Variants in ARPP21 observed in about 807,000 individuals in gnomAD.
ARPP21 encodes the protein cAMP-regulated phosphoprotein 21.
In ARPP21, 69 loss-of-function variants were observed where a neutral mutation model predicts 113.2. That is an observed-to-expected ratio of 0.61 (90% CI 0.50 to 0.74). The LOEUF (loss-of-function observed/expected upper bound fraction) is 0.74. Ranked by LOEUF, ARPP21 falls within the 30% of genes least tolerant of loss-of-function variation. The pLI is 0.00. For missense variants in ARPP21, 1,070 were observed against 1,037.4 expected (o/e 1.03, Z -0.43); for synonymous variants, 368 against 375.5 (o/e 0.98, Z 0.23).
intron 1 of ARPP21, among the ~76,000 whole-genome samples, chr3:35,671,092 A>G (rs1046465763): frequency 6.6e-6 from 1 of 152,164 alleles, no homozygotes; most frequent in African/African-American, 2.4e-5. Flanking sequence ...AAAGGCACAT[A>G]GCTCCTTTCA....
chr3:35,667,953 A>AGAAGAAGAG (rs3087184), intron 1 of ARPP21, among the ~76,000 whole-genome samples: 67 of 19,788 alleles, frequency 3.4e-3, no homozygotes, highest in African/African-American at 0.01. Flanking sequence ...GAAGAAAAGA[A>AGAAGAAGAG]GAAGAAGAAG....
chr3:35,739,148 T>C (rs35499003), intron 17 of ARPP21, among the ~76,000 whole-genome samples, 169 bp from the exon 18 acceptor site: 34,608 of 152,186 alleles, frequency 0.23, 4,189 homozygotes, highest in South Asian at 0.31. Flanking sequence ...TGTCATGTTG[T>C]GTTCTCTTGT....
chr3:35,730,620 A>G (rs2093893875), intron 15 of ARPP21, among the ~76,000 whole-genome samples: 1 of 152,232 alleles, frequency 6.6e-6, no homozygotes, highest in Admixed American at 6.5e-5. Flanking sequence ...AAGAGATCTG[A>G]AGTTTGGTTT....
At chr3:35,732,918 G>A (rs555170390) in intron 15 of ARPP21, among the ~76,000 whole-genome samples, 2 of 152,004 alleles carry the variant, frequency 1.3e-5, no homozygotes, top group Non-Finnish European at 2.9e-5. Context: ...TTTGTGTTCT[G>A]TCTATAAATG....
At chr3:35,695,147 T>C (rs1252682108) in intron 9 of ARPP21, among the ~76,000 whole-genome samples, 2 of 151,444 alleles carry the variant, frequency 1.3e-5, no homozygotes, top group African/African-American at 4.8e-5. Flanking sequence ...TTCAACTCCA[T>C]AGACTTATGC....
chr3:35,704,115 C>A, intron 9 of ARPP21, among the ~76,000 whole-genome samples: 1 of 151,754 alleles, frequency 6.6e-6, no homozygotes, highest in South Asian at 2.1e-4. Flanking sequence ...CAAATAGTTT[C>A]TCCATGATCA....
intron 15 of ARPP21, among the ~76,000 whole-genome samples, chr3:35,736,315 C>T (rs1027310334): frequency 2.0e-5 from 3 of 152,140 alleles, no homozygotes; most frequent in African/African-American, 7.2e-5. Context: ...CTTGACTGCA[C>T]TTTGCTCTTC....
intron 3 of ARPP21, 59 bp from the exon 4 acceptor site, chr3:35,682,789 T>A (rs1383012118): frequency 1.3e-6 from 2 of 1,489,930 alleles, no homozygotes. Context: ...GGTTGTTGAT[T>A]TACTGTTCGT....
At chr3:35,733,271 T>C (rs1455675910) in intron 15 of ARPP21, among the ~76,000 whole-genome samples, 1 of 152,170 alleles carries the variant, frequency 6.6e-6, no homozygotes, top group African/African-American at 2.4e-5. Context: ...AATTACATTA[T>C]TATTGAAATA....
At chr3:35,667,335 G>A (rs2074634493) in intron 1 of ARPP21, among the ~76,000 whole-genome samples, 2 of 152,056 alleles carry the variant, frequency 1.3e-5, no homozygotes, top group South Asian at 2.1e-4. Flanking sequence ...AATGATAATG[G>A]TAAACTAATT....
intron 19 of ARPP21, among the ~76,000 whole-genome samples, chr3:35,778,338 C>T (rs937733643): frequency 6.6e-6 from 1 of 152,092 alleles, no homozygotes; most frequent in Admixed American, 6.5e-5. Flanking sequence ...CTGGTTTCCA[C>T]CTGGGTTTTG....
In ARPP21 at chr3:35,731,198, G is replaced by T. The variant is rs142317869; in HGVS notation, c.1459+1662G>T. On this transcript the variant is annotated intron_variant, in intron 15 of 20. Coordinates refer to ENST00000684406, the MANE Select transcript of ARPP21 (RefSeq NM_001385562.1). ...AAAAGCTCAACAGAGTATTTTTAGG[G>T]TACAATGCAGGAATATTATTTGTAA... 7.2e-5 allele frequency among the ~76,000 whole-genome samples: 11 copies of T among 152,228 alleles called. No homozygotes were observed. In the East Asian group the frequency reaches 2.1e-3, roughly 29 times the overall value.
chr3:35,749,742 G>T (rs2095331676), intron 19 of ARPP21, among the ~76,000 whole-genome samples: 2 of 152,126 alleles, frequency 1.3e-5, no homozygotes, highest in Admixed American at 1.3e-4. Context: ...AATTTTTTAT[G>T]ATTATAGTAT....
At chr3:35,767,552 A>T (rs1395250415) in intron 19 of ARPP21, among the ~76,000 whole-genome samples, 1 of 152,176 alleles carries the variant, frequency 6.6e-6, no homozygotes, top group East Asian at 1.9e-4. Flanking sequence ...GAAGTCTATA[A>T]AAATGCCAAG....
intron 1 of ARPP21, among the ~76,000 whole-genome samples, chr3:35,666,887 C>T (rs73825896): frequency 7.3e-4 from 111 of 152,212 alleles, no homozygotes; most frequent in African/African-American, 2.5e-3. Flanking sequence ...AACATGCAAC[C>T]TCAACTATCC....
Position 35,743,903 on chromosome 3 carries a change from T to C in ARPP21, c.2075T>C (p.Met692Thr). The C allele has an allele frequency of 6.2e-7, 1 of 1,613,732 alleles. No individual in the cohort carries two copies. Reference sequence around the variant, plus strand: ...TCAACCACGCAACAGTACCGGCCCATGGCCCCGGTTCAGTACAACGCTCAG... The same window carrying C: ...TCAACCACGCAACAGTACCGGCCCACGGCCCCGGTTCAGTACAACGCTCAG... ...PTSTTQQYRP[M>T]APVQYNAQRS... The change falls in exon 19 of 21, where the codon ATG becomes ACG. Residue 692 changes from methionine to threonine, a missense_variant. Transcript: ENST00000684406.
intron 19 of ARPP21, among the ~76,000 whole-genome samples, chr3:35,784,551 A>G (rs535778493): frequency 2.0e-5 from 3 of 152,332 alleles, no homozygotes; most frequent in African/African-American, 7.2e-5. Flanking sequence ...CTGAAAGTTC[A>G]TATCCTAAAT....
chr3:35,695,480 C>T (rs1471540233), intron 9 of ARPP21, among the ~76,000 whole-genome samples: 1 of 151,534 alleles, frequency 6.6e-6, no homozygotes, highest in East Asian at 1.9e-4. Flanking sequence ...ACTTCAGAAT[C>T]TCAGTCCTCT....
At chr3:35,718,227 ATTTG>A (rs1475413601) in intron 13 of ARPP21, among the ~76,000 whole-genome samples, 2 of 152,178 alleles carry the variant, frequency 1.3e-5, no homozygotes, top group African/African-American at 4.8e-5. Flanking sequence ...AGTAAAATTA[ATTTG>A]TTATCTTACA....
Sources: gnomAD v4.1 joint callset for allele counts (sites outside exome capture counted in the v4.1 genomes callset) on GRCh38, gnomAD v4.1.1 for gene constraint, MANE v1.5 for transcripts, NCBI Gene and HGNC (gene_info 2026-07-23, HGNC 2026-07-21) for gene names.